Variants in CDH13 observed in about 807,000 individuals in gnomAD.
CDH13 encodes the protein cadherin 13.
CDH13 carries 24 observed loss-of-function variants against 63.8 expected under a neutral mutation model. The ratio of observed to expected loss-of-function variants is 0.38; its 90% confidence interval spans 0.27 to 0.53. The LOEUF is 0.53. Among genes scored for constraint, CDH13 ranks in the 20% least tolerant of loss-of-function variants. The pLI is 0.85. For missense variants in CDH13, 1,049 were observed against 903.1 expected (o/e 1.16, Z -2.07); for synonymous variants, 503 against 355.3 (o/e 1.42, Z -4.67).
At chr16:83,279,519 G>A (rs890862579) in intron 5 of CDH13, among the ~76,000 whole-genome samples, 6 of 152,132 alleles carry the variant, frequency 3.9e-5, no homozygotes, top group Non-Finnish European at 7.4e-5. Flanking sequence ...TCTGGAAACC[G>A]CTGCTAAAAA....
intron 7 of CDH13, among the ~76,000 whole-genome samples, chr16:83,523,607 C>A (rs187889087): frequency 1.3e-5 from 2 of 152,314 alleles, no homozygotes; most frequent in East Asian, 1.9e-4. Flanking sequence ...TGAGTTGGAT[C>A]TACTCCAGGG....
chr16:83,439,728 G>A (rs1464468192), intron 6 of CDH13, among the ~76,000 whole-genome samples: 3 of 152,166 alleles, frequency 2.0e-5, no homozygotes, highest in Admixed American at 6.5e-5. Flanking sequence ...CTTATCTGAT[G>A]TTGGTATTCT....
intron 11 of CDH13, among the ~76,000 whole-genome samples, chr16:83,756,339 A>G (rs944283006): frequency 2.0e-5 from 3 of 152,246 alleles, no homozygotes; most frequent in Non-Finnish European, 2.9e-5. Context: ...TGGATGCTAC[A>G]TACAATAGAC....
At chr16:83,180,893 C>G (rs187504312) in intron 4 of CDH13, 11 of 1,530,910 alleles carry the variant, frequency 7.2e-6, no homozygotes, top group African/African-American at 1.4e-5. Flanking sequence ...CTATTAACAG[C>G]GAACTTCTCT....
At chr16:83,270,898 C>CCCTCCTTTCCTT (rs1319318882) in intron 5 of CDH13, among the ~76,000 whole-genome samples, 4 of 144,482 alleles carry the variant, frequency 2.8e-5, no homozygotes, top group Non-Finnish European at 6.1e-5. Flanking sequence ...CTCCCTTCCT[C>CCCTCCTTTCCTT]CCTCCTTTCC....
At chr16:83,384,265 C>G (rs1050200890) in intron 6 of CDH13, among the ~76,000 whole-genome samples, 1 of 152,124 alleles carries the variant, frequency 6.6e-6, no homozygotes, top group Admixed American at 6.5e-5. Context: ...CATGATGTAA[C>G]CAGCCTCTCA....
intron 1 of CDH13, among the ~76,000 whole-genome samples, chr16:82,717,924 G>T (rs984511888): frequency 7.9e-5 from 12 of 152,194 alleles, no homozygotes; most frequent in African/African-American, 2.7e-4. Flanking sequence ...ACCAAGATGA[G>T]TTTCCTAAAA....
chr16:83,439,708 A>G (rs753651505), intron 6 of CDH13, among the ~76,000 whole-genome samples: 7 of 152,242 alleles, frequency 4.6e-5, no homozygotes, highest in Non-Finnish European at 7.3e-5. Flanking sequence ...GACTGTGGTC[A>G]TAGAGTGGCC....
chr16:83,447,241 C>A (rs763482459), intron 6 of CDH13, among the ~76,000 whole-genome samples: 1 of 150,644 alleles, frequency 6.6e-6, no homozygotes, highest in Non-Finnish European at 1.5e-5. Context: ...ATGGTGAAAC[C>A]CCATCTCTAC....
chr16:83,523,025 G>C (rs951079622), intron 7 of CDH13, among the ~76,000 whole-genome samples: 18 of 152,090 alleles, frequency 1.2e-4, no homozygotes, highest in African/African-American at 4.1e-4. Flanking sequence ...TCACCCTTCA[G>C]TTCTGCTGAA....
At chr16:83,437,036 T>G (rs1261845262) in intron 6 of CDH13, among the ~76,000 whole-genome samples, 2 of 152,166 alleles carry the variant, frequency 1.3e-5, no homozygotes, top group Non-Finnish European at 2.9e-5. Context: ...CAACTAACTT[T>G]CCCTTGGCTG....
At chr16:82,663,090 A>G (rs908739350) in intron 1 of CDH13, among the ~76,000 whole-genome samples, 3 of 152,254 alleles carry the variant, frequency 2.0e-5, no homozygotes, top group Non-Finnish European at 4.4e-5. Context: ...GCAAGAAAAT[A>G]GCCCTTATCG....
At chr16:82,925,061 A>C (rs561482007) in intron 2 of CDH13, among the ~76,000 whole-genome samples, 7 of 152,270 alleles carry the variant, frequency 4.6e-5, no homozygotes, top group Admixed American at 2.0e-4. Flanking sequence ...TAATCATCTT[A>C]AGAGATCCAA....
intron 10 of CDH13, among the ~76,000 whole-genome samples, chr16:83,684,503 G>A (rs978938845): frequency 6.6e-6 from 1 of 152,202 alleles, no homozygotes; most frequent in African/African-American, 2.4e-5. Flanking sequence ...GGTTACATTA[G>A]GGAGGCAGCC....
At chr16:82,936,250 T>G (rs7191112) in intron 2 of CDH13, among the ~76,000 whole-genome samples, 56,815 of 151,996 alleles carry the variant, frequency 0.37, 14,423 homozygotes, top group African/African-American at 0.73. Context: ...GTTAGAAAAT[T>G]ATTTGGGGTT....
rs996908174 is a variant in CDH13 at position 83,167,826 on chromosome 16, G to GA, written c.483+42333dup. Reference sequence around the variant, plus strand: ...GTGCCCAGCAGTGGTGGACTGGATTGAAAAAAAACGTGGTACATATGTATC... The same window carrying GA: ...GTGCCCAGCAGTGGTGGACTGGATTGAAAAAAAAACGTGGTACATATGTATC... On this transcript the variant is annotated intron_variant, in intron 4 of 13. Transcript: ENST00000567109. 9.3e-5 allele frequency among the ~76,000 whole-genome samples: 14 copies of GA among 151,186 alleles called. No individual in the cohort carries two copies. In the East Asian group the frequency reaches 9.7e-4, roughly 10 times the overall value.
chr16:82,627,256 C>T, intron 1 of CDH13, 119 bp downstream of exon 1: 1 of 815,994 alleles, frequency 1.2e-6, no homozygotes, highest in Non-Finnish European at 2.1e-6. Context: ...GCGGCGAAGA[C>T]AGATCGGGGC....
In CDH13 at chr16:83,302,298, C is replaced by T. The variant is rs536799774; in HGVS notation, c.637-42564C>T. 2.0e-5 allele frequency among the ~76,000 whole-genome samples: 3 copies of T among 152,256 alleles called. No individual in the cohort carries two copies. In the East Asian group the frequency reaches 5.8e-4, roughly 29 times the overall value. On this transcript the variant is annotated intron_variant, in intron 5 of 13. Transcript: ENST00000567109. ...TTTAACCTCCTGTTGCTTCAGTTTT[C>T]TAAATCTGTAAAAGGGAATGTAATA...
At chr16:82,627,382 A>G (rs1215150142) in intron 1 of CDH13, among the ~76,000 whole-genome samples, 117 of 67,540 alleles carry the variant, frequency 1.7e-3, no homozygotes, top group South Asian at 3.5e-3. Context: ...GTGTGTGTGT[A>G]CGTTCGTTAA....
Sources: allele counts gnomAD v4.1 joint callset (sites outside exome capture counted in the v4.1 genomes callset), GRCh38; gene constraint gnomAD v4.1.1; transcripts MANE v1.5; gene names NCBI Gene and HGNC (gene_info 2026-07-23, HGNC 2026-07-21).